Variants in DCDC1 observed in about 807,000 individuals in gnomAD.
The protein encoded by DCDC1 is doublecortin domain containing 1.
In DCDC1, 200 loss-of-function variants were observed where a neutral mutation model predicts 178.3. That is an observed-to-expected ratio of 1.12 (90% CI 1.00 to 1.26). The LOEUF (loss-of-function observed/expected upper bound fraction) is 1.26. DCDC1 is among the 50% of genes most tolerant of loss of function. The probability of loss-of-function intolerance (pLI) is 0.00; values close to 1 mark genes in which losing one functional copy is unlikely to be tolerated. For synonymous variants in DCDC1, 690 were observed against 604.8 expected, an observed-to-expected ratio of 1.14 and a Z score of -2.07; for missense variants, 1,983 against 1,749.2, an observed-to-expected ratio of 1.13 and a Z score of -2.38.
chr11:31,279,104 T>C (rs1946216363), intron 7 of DCDC1, among the ~76,000 whole-genome samples: 2 of 152,168 alleles, frequency 1.3e-5, no homozygotes, highest in African/African-American at 4.8e-5. Flanking sequence ...GGTATATCTC[T>C]TGGACCTTCT....
At chr11:31,100,178 GA>G (rs978802670) in intron 15 of DCDC1, among the ~76,000 whole-genome samples, 16 of 151,686 alleles carry the variant, frequency 1.1e-4, no homozygotes, top group Admixed American at 3.9e-4. Flanking sequence ...AGTGCTTTCA[GA>G]AAAAAAACAA....
rs191925631 is a variant in DCDC1 at position 31,197,541 on chromosome 11, G to C, written c.1221+43909C>G. 2.0e-4 allele frequency among the ~76,000 whole-genome samples: 30 copies of C among 152,120 alleles called. 1 individual carries two copies. In the East Asian group the frequency reaches 5.6e-3, roughly 28 times the overall value. ...AGAAATAGGCTTACAGACATTAAGT[G>C]AATTACCTGAAGGTCACATCTGTGC... On this transcript the variant is annotated intron_variant, in intron 9 of 38. Transcript: ENST00000684477.
intron 20 of DCDC1, among the ~76,000 whole-genome samples, chr11:30,983,790 T>C (rs1950503445): frequency 6.6e-6 from 1 of 152,174 alleles, no homozygotes; most frequent in Admixed American, 6.5e-5. Context: ...ATCAAAATCT[T>C]CCCAGATGTC....
At chr11:31,131,509 G>T (rs1962438062) in intron 10 of DCDC1, among the ~76,000 whole-genome samples, 1 of 152,088 alleles carries the variant, frequency 6.6e-6, no homozygotes, top group African/African-American at 2.4e-5. Flanking sequence ...TTCACCACCA[G>T]ATCATACTAC....
chr11:30,973,916 C>G (rs998526712), intron 20 of DCDC1, among the ~76,000 whole-genome samples: 4 of 152,110 alleles, frequency 2.6e-5, no homozygotes, highest in African/African-American at 9.7e-5. Context: ...ACACTTCATC[C>G]AATAGCTACA....
At chr11:31,211,535 G>T (rs1972531075) in intron 9 of DCDC1, among the ~76,000 whole-genome samples, 1 of 152,136 alleles carries the variant, frequency 6.6e-6, no homozygotes, top group Admixed American at 6.5e-5. Context: ...CATGCTTCCT[G>T]AATCGAGATT....
chr11:31,238,032 C>T (rs888273094), intron 9 of DCDC1, among the ~76,000 whole-genome samples: 2 of 151,652 alleles, frequency 1.3e-5, no homozygotes, highest in Non-Finnish European at 2.9e-5. Flanking sequence ...TTAGGCCATA[C>T]TGTGAACAGC....
intron 20 of DCDC1, among the ~76,000 whole-genome samples, chr11:30,965,690 C>T (rs56064006): frequency 6.2e-5 from 9 of 145,748 alleles, no homozygotes; most frequent in East Asian, 6.0e-4. Context: ...CATGCTGGTG[C>T]GCTGCAGCCA....
chr11:31,065,825 A>G (rs1287969134), intron 18 of DCDC1, among the ~76,000 whole-genome samples: 1 of 152,186 alleles, frequency 6.6e-6, no homozygotes, highest in Non-Finnish European at 1.5e-5. Flanking sequence ...TCTGAAGGAT[A>G]AAATCTGTCA....
intron 29 of DCDC1, among the ~76,000 whole-genome samples, chr11:30,906,933 G>A (rs972157362): frequency 4.6e-5 from 7 of 151,832 alleles, no homozygotes; most frequent in East Asian, 1.9e-4. Context: ...ACGACAATTC[G>A]ACACCAATGA....
chr11:31,355,458 T>C (rs1049579042), intron 1 of DCDC1, among the ~76,000 whole-genome samples: 2 of 152,230 alleles, frequency 1.3e-5, no homozygotes, highest in Non-Finnish European at 2.9e-5. Context: ...GTAATTGACA[T>C]ACCTCTTTTC....
At chr11:30,887,607 C>G (rs991847739) in intron 36 of DCDC1, among the ~76,000 whole-genome samples, 1 of 152,164 alleles carries the variant, frequency 6.6e-6, no homozygotes, top group Non-Finnish European at 1.5e-5. Context: ...ACTTTTTAAA[C>G]TTTCCATACC....
At chr11:30,893,550 G>A (rs975612252) in intron 35 of DCDC1, among the ~76,000 whole-genome samples, 10 of 152,184 alleles carry the variant, frequency 6.6e-5, no homozygotes, top group African/African-American at 2.4e-4. Context: ...CCTGGTCAGT[G>A]ATTTATCCTT....
intron 20 of DCDC1, among the ~76,000 whole-genome samples, chr11:31,017,213 G>T (rs1390496241): frequency 6.6e-6 from 1 of 152,012 alleles, no homozygotes; most frequent in Non-Finnish European, 1.5e-5. Context: ...GAGCTTTGAG[G>T]GTCCACTTAC....
chr11:31,321,599 A>C lies in DCDC1; in HGVS notation c.164+6518T>G, dbSNP rs1325370709. Among the ~76,000 whole-genome samples, 4 of 152,238 alleles carry C rather than the reference A, an allele frequency of 2.6e-5. No homozygotes were observed. The South Asian group carries it at 8.3e-4, about 32-fold the overall frequency. ...AACCCGGTACCTCAGATGGAAATGC[A>C]GAAATCACCCGTCTTCTGCGTCGCT... is the stretch of plus-strand genomic sequence containing the variant. On this transcript the variant is annotated intron_variant, in intron 3 of 38. Coordinates refer to ENST00000684477, the MANE Select transcript of DCDC1 (RefSeq NM_001387274.1).
chr11:31,211,740 A>C (rs11031315), intron 9 of DCDC1, among the ~76,000 whole-genome samples: 1 of 152,026 alleles, frequency 6.6e-6, no homozygotes, highest in African/African-American at 2.4e-5. Context: ...GTTCCATATA[A>C]CGTGTCATAG....
intron 20 of DCDC1, among the ~76,000 whole-genome samples, chr11:31,029,918 T>C (rs1953506374): frequency 6.6e-6 from 1 of 152,252 alleles, no homozygotes; most frequent in South Asian, 2.1e-4. Flanking sequence ...TTCCATGGTA[T>C]CCATTACAGA....
At chr11:31,325,217 GA>G (rs1468474994) in intron 3 of DCDC1, among the ~76,000 whole-genome samples, 6 of 152,134 alleles carry the variant, frequency 3.9e-5, no homozygotes, top group Admixed American at 3.9e-4. Context: ...TGCTGGATAT[GA>G]ATATGGTGAA....
At chr11:31,074,408 T>A (rs542955250) in intron 18 of DCDC1, among the ~76,000 whole-genome samples, 28 of 152,304 alleles carry the variant, frequency 1.8e-4, no homozygotes, top group Non-Finnish European at 3.2e-4. Context: ...GTAGGGCCTT[T>A]ATGAGTTGAT....
Sources: allele counts gnomAD v4.1 joint callset (sites outside exome capture counted in the v4.1 genomes callset), GRCh38; gene constraint gnomAD v4.1.1; transcripts MANE v1.5; gene names NCBI Gene and HGNC (gene_info 2026-07-23, HGNC 2026-07-21).